SLC39A12: variants seen among roughly 807,000 people sequenced by gnomAD.
The protein encoded by SLC39A12 is solute carrier family 39 member 12.
In SLC39A12, 63 loss-of-function variants were observed where a neutral mutation model predicts 71.1. The observed-to-expected ratio is 0.89, with a 90% confidence interval of 0.72 to 1.09. The LOEUF is 1.09. SLC39A12 is among the 50% of genes least tolerant of loss of function. The probability of loss-of-function intolerance (pLI) is 0.00; values close to 1 mark genes in which losing one functional copy is unlikely to be tolerated. For missense variants in SLC39A12, 892 were observed against 812.6 expected, an observed-to-expected ratio of 1.10 and a Z score of -1.19; for synonymous variants, 351 against 301.3, an observed-to-expected ratio of 1.16 and a Z score of -1.71.
intron 12 of SLC39A12, among the ~76,000 whole-genome samples, chr10:18,016,268 A>G (rs901362961): frequency 3.3e-5 from 5 of 152,144 alleles, no homozygotes; most frequent in African/African-American, 9.7e-5. Flanking sequence ...CTTTTTCAGA[A>G]TGTCATATAG....
At chr10:18,018,006 C>G (rs564288784) in intron 12 of SLC39A12, among the ~76,000 whole-genome samples, 14 of 152,272 alleles carry the variant, frequency 9.2e-5, no homozygotes, top group African/African-American at 3.4e-4. Flanking sequence ...TACAGTCTTC[C>G]TACCCTTGAA....
At chr10:17,997,664 A>G (rs7099037) in intron 10 of SLC39A12, among the ~76,000 whole-genome samples, 50,474 of 152,106 alleles carry the variant, frequency 0.33, 9,664 homozygotes, top group Non-Finnish European at 0.43. Context: ...AATAGTGAAC[A>G]TATCCATATT....
At chr10:18,036,504 G>T (rs559658103) in intron 12 of SLC39A12, among the ~76,000 whole-genome samples, 2 of 151,828 alleles carry the variant, frequency 1.3e-5, no homozygotes, top group African/African-American at 4.8e-5. Context: ...GCCCTGCTTC[G>T]GCTCACGCAC....
intron 11 of SLC39A12, chr10:18,002,948 C>A: frequency 2.2e-6 from 1 of 453,620 alleles, no homozygotes; most frequent in East Asian, 3.6e-5. Flanking sequence ...TCTTTAGGAG[C>A]AGCCAAAGGA....
chr10:17,953,269 G>A lies in SLC39A12; in HGVS notation c.-8G>A. 1 of 1,613,166 alleles carries A rather than the reference G, an allele frequency of 6.2e-7. No individual in the cohort carries two copies. The highest frequency in any genetic ancestry group is 8.5e-7 in the Non-Finnish European group (1 of 1,179,404). On this transcript the variant is annotated 5_prime_UTR_variant, in exon 2 of 13. Coordinates refer to ENST00000377369, the MANE Select transcript of SLC39A12 (RefSeq NM_001145195.2). ...CCAAGACAGACTCAAGGTGGAGGAA[G>A]CGTGGAAATGTGCTTCCGGACAAAG... is the stretch of plus-strand genomic sequence containing the variant.
chr10:18,041,932 C>A (rs1307425385), intron 12 of SLC39A12, among the ~76,000 whole-genome samples: 2 of 150,174 alleles, frequency 1.3e-5, no homozygotes, highest in Non-Finnish European at 3.0e-5. Flanking sequence ...TATGTAGCCA[C>A]AGGAGATAAT....
At chr10:18,007,458 G>C (rs1046788298) in intron 12 of SLC39A12, among the ~76,000 whole-genome samples, 24 of 152,138 alleles carry the variant, frequency 1.6e-4, no homozygotes, top group African/African-American at 5.8e-4. Context: ...TAGGAAAGGA[G>C]TCCTAATCCA....
chr10:18,024,936 A>G (rs777869212), intron 12 of SLC39A12, among the ~76,000 whole-genome samples: 7 of 152,150 alleles, frequency 4.6e-5, no homozygotes, highest in South Asian at 2.1e-4. Flanking sequence ...CCACTTATAT[A>G]CCTTTCTCCA....
At chr10:17,953,035 G>C (rs1483149755) in intron 1 of SLC39A12, among the ~76,000 whole-genome samples, 156 bp from the exon 2 acceptor site, 1 of 152,134 alleles carries the variant, frequency 6.6e-6, no homozygotes, top group African/African-American at 2.4e-5. Flanking sequence ...CAGCCATGGT[G>C]CTTTCCTGCC....
chr10:18,028,406 T>C (rs919402179), intron 12 of SLC39A12, among the ~76,000 whole-genome samples: 22 of 152,324 alleles, frequency 1.4e-4, no homozygotes, highest in African/African-American at 4.8e-4. Context: ...GGGTCTTTAG[T>C]GATGCCAACA....
At chr10:17,982,811 A>AG (rs1395248578) in intron 6 of SLC39A12, among the ~76,000 whole-genome samples, 5 of 152,106 alleles carry the variant, frequency 3.3e-5, no homozygotes, top group Non-Finnish European at 5.9e-5. Flanking sequence ...TCGGAAAAAA[A>AG]TTGTGTCTCC....
intron 12 of SLC39A12, among the ~76,000 whole-genome samples, chr10:18,027,047 A>G (rs1836698379): frequency 6.6e-6 from 1 of 152,150 alleles, no homozygotes; most frequent in Admixed American, 6.5e-5. Flanking sequence ...TCTTTAAACC[A>G]TCTTTTGCCT....
At chr10:17,986,597 C>A (rs1230555700) in intron 6 of SLC39A12, among the ~76,000 whole-genome samples, 4 of 152,242 alleles carry the variant, frequency 2.6e-5, no homozygotes, top group Admixed American at 2.6e-4. Context: ...CCTAATACCA[C>A]CCACCACCTT....
chr10:17,973,343 A>C (rs1208950763), intron 4 of SLC39A12, among the ~76,000 whole-genome samples: 3 of 152,088 alleles, frequency 2.0e-5, no homozygotes, highest in Non-Finnish European at 2.9e-5. Flanking sequence ...TTTTACCTTC[A>C]GGTGATTATT....
intron 2 of SLC39A12, among the ~76,000 whole-genome samples, chr10:17,959,352 G>C (rs1403897336): frequency 6.6e-6 from 1 of 152,010 alleles, no homozygotes; most frequent in Non-Finnish European, 1.5e-5. Context: ...TTGACCCCCT[G>C]CAGTTGGGTT....
At chr10:18,030,422 G>C (rs1368654038) in intron 12 of SLC39A12, among the ~76,000 whole-genome samples, 1 of 151,480 alleles carries the variant, frequency 6.6e-6, no homozygotes, top group East Asian at 1.9e-4. Context: ...TATTTTTTTA[G>C]TAGAGACGGG....
At chr10:18,014,093 G>A (rs554710334) in intron 12 of SLC39A12, among the ~76,000 whole-genome samples, 2 of 152,070 alleles carry the variant, frequency 1.3e-5, no homozygotes, top group African/African-American at 2.4e-5. Context: ...ATCCATGAAC[G>A]TGAGATGTCT....
At position 18,003,313 on chromosome 10, in the gene SLC39A12, C is replaced by G. The variant is rs771122941; in HGVS notation, c.1902C>G (p.Phe634Leu). The G allele has an allele frequency of 6.2e-7, 1 of 1,613,946 alleles. No individual in the cohort carries two copies. The highest frequency in any genetic ancestry group is 1.1e-5 in the South Asian group (1 of 91,066). The change falls in exon 12 of 13, where the codon TTC (phenylalanine) becomes TTG (leucine). Residue 634 changes from phenylalanine (F) to leucine (L), a missense_variant. Physicochemically the swap from Phe to Leu is conservative, Grantham distance 22 (BLOSUM62 0). Transcript: ENST00000377369. ...SADPCVQDWI[F>L]TVTAGMFLYL... ...ATCCATGTGTTCAAGACTGGATCTT[C>G]ACAGTCACTGCTGGGATGTTCTTAT...
chr10:18,033,671 G>T (rs1836917412), intron 12 of SLC39A12, among the ~76,000 whole-genome samples: 1 of 144,062 alleles, frequency 6.9e-6, no homozygotes, highest in Non-Finnish European at 1.5e-5. Flanking sequence ...TCTGATTTTA[G>T]TTATTTCTTG....
Sources: gnomAD v4.1 joint callset for allele counts (sites outside exome capture counted in the v4.1 genomes callset) on GRCh38, gnomAD v4.1.1 for gene constraint, MANE v1.5 for transcripts, NCBI Gene and HGNC (gene_info 2026-07-23, HGNC 2026-07-21) for gene names.